LRP2: variants seen among roughly 807,000 people sequenced by gnomAD.
The protein encoded by LRP2 is low-density lipoprotein receptor-related protein 2.
A neutral mutation model predicts 531.0 loss-of-function variants in LRP2; 172 were observed. The ratio of observed to expected loss-of-function variants is 0.32; its 90% CI spans 0.29 to 0.37. LRP2 has a LOEUF of 0.37. Among genes scored for constraint, LRP2 ranks in the 10% least tolerant of loss-of-function variants. The probability of loss-of-function intolerance (pLI) is 1.00; values close to 1 mark genes in which losing one functional copy is unlikely to be tolerated. For synonymous variants in LRP2, 1,992 were observed against 2,027.6 expected (o/e 0.98, Z 0.47); for missense variants, 5,167 against 5,868.3 (o/e 0.88, Z 3.90).
At chr2:169,191,157 A>G (rs1218116944) in intron 48 of LRP2, among the ~76,000 whole-genome samples, 1 of 152,248 alleles carries the variant, frequency 6.6e-6, no homozygotes, top group African/African-American at 2.4e-5. Flanking sequence ...AAAAGAGAGC[A>G]TCAGAAAGTC....
chr2:169,348,844 C>G, intron 1 of LRP2, among the ~76,000 whole-genome samples: 1 of 152,120 alleles, frequency 6.6e-6, no homozygotes, highest in East Asian at 1.9e-4. Context: ...GGAGTCAGAT[C>G]GAGAGAAACA....
At position 169,172,003 on chromosome 2, in the gene LRP2, G is replaced by A. The variant is rs773834533; in HGVS notation, c.11263+12C>T. ...GGTGGTATATAAGGACCATAGGACT[G>A]TGAACACTCACCACAGTTTTCCTCA... On this transcript the variant is annotated intron_variant, in intron 58 of 78. Coordinates refer to ENST00000649046, the MANE Select transcript of LRP2 (RefSeq NM_004525.3). 4 of 1,614,012 alleles carry A rather than the reference G, an allele frequency of 2.5e-6. No individual in the cohort carries two copies. Among genetic ancestry groups the A allele is most frequent in the Non-Finnish European group, 2.5e-6 (3 of 1,179,920 alleles).
intron 1 of LRP2, among the ~76,000 whole-genome samples, chr2:169,348,281 A>G (rs187221895): frequency 4.7e-4 from 72 of 152,144 alleles, no homozygotes; most frequent in Middle Eastern, 3.4e-3. Context: ...CCTCCAACCT[A>G]TTTGTTACGT....
intron 9 of LRP2, among the ~76,000 whole-genome samples, chr2:169,286,090 G>A (rs573008434): frequency 6.6e-6 from 1 of 152,272 alleles, no homozygotes; most frequent in Non-Finnish European, 1.5e-5. Context: ...CTAACGTCAT[G>A]TATTTAAAGA....
At chr2:169,309,220 T>C (rs531337127) in intron 3 of LRP2, among the ~76,000 whole-genome samples, 7 of 152,374 alleles carry the variant, frequency 4.6e-5, no homozygotes, top group African/African-American at 1.7e-4. Context: ...AGAAACTCTT[T>C]AGTTTAATGA....
intron 16 of LRP2, among the ~76,000 whole-genome samples, chr2:169,270,137 A>T (rs1275881442): frequency 6.6e-6 from 1 of 152,172 alleles, no homozygotes; most frequent in African/African-American, 2.4e-5. Flanking sequence ...GAGATATAGG[A>T]ACACTTTTAC....
Position 169,246,639 on chromosome 2 carries a change from A to C in LRP2, c.3190+66T>G. ...ATATAAATAGCCCAAGCTTTTATTT[A>C]TTTTCTTTAAAGCCCACCTCTACTC... On this transcript the variant is annotated intron_variant, in intron 21 of 78. Transcript: ENST00000649046. 3 of 1,570,526 alleles carry C rather than the reference A, an allele frequency of 1.9e-6. No individual in the cohort carries two copies. In the South Asian group the frequency reaches 3.3e-5, roughly 17 times the overall value.
At chr2:169,272,129 C>A (rs1444620337) in intron 15 of LRP2, among the ~76,000 whole-genome samples, 1 of 152,026 alleles carries the variant, frequency 6.6e-6, no homozygotes, top group Non-Finnish European at 1.5e-5. Context: ...AATTTATATA[C>A]GACGCTAGAA....
At chr2:169,257,286 T>A (rs753010531) in intron 17 of LRP2, 37 bp from the exon 18 acceptor site, 2 of 1,604,948 alleles carry the variant, frequency 1.2e-6, no homozygotes, top group South Asian at 1.1e-5. Flanking sequence ...CTGTTAACAC[T>A]GGGACAAACT....
At chr2:169,161,237 C>A (rs773132442) in intron 63 of LRP2, among the ~76,000 whole-genome samples, 34 of 152,196 alleles carry the variant, frequency 2.2e-4, no homozygotes, top group Non-Finnish European at 4.3e-4. Context: ...GTTACTTAAG[C>A]TCTCTGAGCT....
At chr2:169,313,411 G>C (rs59816206) in intron 3 of LRP2, among the ~76,000 whole-genome samples, 5,561 of 152,174 alleles carry the variant, frequency 0.037, 162 homozygotes, top group East Asian at 0.097. Flanking sequence ...CTTTCTGTTT[G>C]TTAGTTTTCC....
Position 169,168,690 on chromosome 2 carries a change from A to T in LRP2, c.11498-14T>A. Reference sequence around the variant, plus strand: ...GAAAGCGTGTGGCTGCCATGGGGGAAAAAAACATATTCAAATTATTATACA... The same window carrying T: ...GAAAGCGTGTGGCTGCCATGGGGGATAAAAACATATTCAAATTATTATACA... On this transcript the variant is annotated splice_polypyrimidine_tract_variant and intron_variant, in intron 60 of 78. Transcript: ENST00000649046. The T allele has an allele frequency of 6.3e-7, 1 of 1,592,914 alleles. No homozygotes were observed. Among genetic ancestry groups the T allele is most frequent in the Non-Finnish European group, 8.6e-7 (1 of 1,166,174 alleles).
chr2:169,192,491 G>T (rs1425735208), intron 47 of LRP2, among the ~76,000 whole-genome samples: 1 of 152,088 alleles, frequency 6.6e-6, no homozygotes, highest in Non-Finnish European at 1.5e-5. Flanking sequence ...ATGTCTCAAA[G>T]TCATAGAACT....
At chr2:169,132,231 A>T (rs1481597754) in intron 77 of LRP2, among the ~76,000 whole-genome samples, 1 of 152,194 alleles carries the variant, frequency 6.6e-6, no homozygotes, top group Non-Finnish European at 1.5e-5. Context: ...TTTCATCTGT[A>T]TCTTTGACAC....
At chr2:169,238,356 C>T (rs1237860843) in intron 26 of LRP2, 54 bp from the exon 27 acceptor site, 1 of 1,233,984 alleles carries the variant, frequency 8.1e-7, no homozygotes, top group Non-Finnish European at 1.2e-6. Flanking sequence ...AAACACAAAA[C>T]AACTCTTTAA....
intron 1 of LRP2, among the ~76,000 whole-genome samples, chr2:169,349,110 T>C (rs1685775360): frequency 6.6e-6 from 1 of 152,170 alleles, no homozygotes; most frequent in Admixed American, 6.5e-5. Context: ...CCTGCCCTTG[T>C]GCCATTTACA....
At chr2:169,344,124 TTTA>T (rs1213848602) in intron 1 of LRP2, among the ~76,000 whole-genome samples, 1 of 152,156 alleles carries the variant, frequency 6.6e-6, no homozygotes, top group African/African-American at 2.4e-5. Flanking sequence ...TCTTTCTTTT[TTTA>T]TTATTATTAT....
In LRP2 at chr2:169,188,104, A is replaced by G. The variant is rs769937264; in HGVS notation, c.9194T>C (p.Met3065Thr). The change falls in exon 49 of 79, where the codon ATG (methionine) becomes ACG (threonine). Residue 3065 changes from methionine (M) to threonine (T), a missense_variant. Physicochemically the swap from Met to Thr is moderately conservative, Grantham distance 81. Coordinates refer to ENST00000649046, the MANE Select transcript of LRP2 (RefSeq NM_004525.3). ...GGGTTCTGGGGTGTGGCACAGGTGC[A>G]TCAGCTCATCAGATCCGTCTCCACA... ...NDCGDGSDEL[M>T]HLCHTPEPTC... 5 of 1,614,104 alleles carry G rather than the reference A, an allele frequency of 3.1e-6. No individual in the cohort carries two copies. Among genetic ancestry groups the G allele is most frequent in the Non-Finnish European group, 4.2e-6 (5 of 1,180,006 alleles).
chr2:169,204,317 G>T (rs781417862), intron 41 of LRP2, 46 bp from the exon 42 acceptor site: 1 of 1,587,302 alleles, frequency 6.3e-7, no homozygotes, highest in Non-Finnish European at 8.6e-7. Flanking sequence ...TCTCAAGTGA[G>T]TTAAGTTTTC....
Sources: gnomAD v4.1 joint callset for allele counts (sites outside exome capture counted in the v4.1 genomes callset) on GRCh38, gnomAD v4.1.1 for gene constraint, MANE v1.5 for transcripts, NCBI Gene and HGNC (gene_info 2026-07-23, HGNC 2026-07-21) for gene names.